Variants in MTBP observed in about 807,000 individuals in gnomAD.
MTBP encodes the protein MDM2 binding protein.
A neutral mutation model predicts 117.0 loss-of-function variants in MTBP; 101 were observed. That is an observed-to-expected ratio of 0.86 (90% CI 0.73 to 1.02). MTBP has a LOEUF of 1.02. MTBP is among the 50% of genes least tolerant of loss of function. The probability of loss-of-function intolerance (pLI) is 0.00; values close to 1 mark genes in which losing one functional copy is unlikely to be tolerated. For synonymous variants in MTBP, 350 were observed against 351.5 expected (o/e 1.00, Z 0.05); for missense variants, 970 against 1,030.9 (o/e 0.94, Z 0.81).
At chr8:120,487,080 A>G (rs1814237085) in intron 11 of MTBP, among the ~76,000 whole-genome samples, 1 of 152,090 alleles carries the variant, frequency 6.6e-6, no homozygotes. Flanking sequence ...TAATCAATCA[A>G]CCCTTAACTC....
At chr8:120,480,018 C>A (rs1563794330) in intron 11 of MTBP, among the ~76,000 whole-genome samples, 1 of 151,894 alleles carries the variant, frequency 6.6e-6, no homozygotes, top group East Asian at 1.9e-4. Flanking sequence ...AAAAGAAGTA[C>A]ACTGAAAACC....
intron 13 of MTBP, among the ~76,000 whole-genome samples, chr8:120,491,820 A>G (rs902838062): frequency 6.6e-6 from 1 of 152,156 alleles, no homozygotes; most frequent in East Asian, 1.9e-4. Flanking sequence ...TCAGAAGAGC[A>G]GGGACCTCTC....
At chr8:120,494,805 A>G (rs1271984649) in intron 13 of MTBP, among the ~76,000 whole-genome samples, 6 of 152,164 alleles carry the variant, frequency 3.9e-5, no homozygotes, top group Non-Finnish European at 7.3e-5. Context: ...ATGGTTGATA[A>G]TCACCTTATT....
At chr8:120,465,976 G>T (rs894461860) in intron 10 of MTBP, among the ~76,000 whole-genome samples, 2 of 151,862 alleles carry the variant, frequency 1.3e-5, no homozygotes, top group East Asian at 1.9e-4. Flanking sequence ...TATATTTTCA[G>T]TTGTTTTGTT....
chr8:120,445,528 A>G lies in MTBP; in HGVS notation c.58A>G (p.Ser20Gly). The G allele has an allele frequency of 6.2e-7, 1 of 1,613,670 alleles. No homozygotes were observed. Among genetic ancestry groups the G allele is most frequent in the South Asian group, 1.1e-5 (1 of 91,060 alleles). The stretch of plus-strand genomic sequence containing the variant: ...GGAAGGAAAATTCCCGTCGGCGGCC[A>G]GTAGGGAGGCAGAACATGGGCCAGA... ...WGEGKFPSAASREAEHGPEVS... is the reference protein window; with the variant it reads ...WGEGKFPSAAGREAEHGPEVS... The change falls in exon 1 of 22, where the codon AGT becomes GGT. Residue 20 changes from serine to glycine, a missense_variant. Physicochemically the swap from Ser to Gly is moderately conservative, Grantham distance 56 (BLOSUM62 0). Transcript: ENST00000305949.
intron 7 of MTBP, 60 bp from the exon 8 acceptor site, chr8:120,459,155 A>T: frequency 7.1e-7 from 1 of 1,411,082 alleles, no homozygotes; most frequent in Non-Finnish European, 9.8e-7. Context: ...AATAAGATGT[A>T]TTAATCTTTA....
Position 120,461,216 on chromosome 8 carries a change from A to C in MTBP, c.938A>C (p.Asp313Ala), listed in dbSNP as rs757811917. The change falls in exon 9 of 22, where the codon GAT becomes GCT. Residue 313 changes from aspartate to alanine, a missense_variant. Coordinates refer to ENST00000305949, the MANE Select transcript of MTBP (RefSeq NM_022045.5). ...LEFVQMIKLS[D>A]LPSCYMSDIE... ...TTTGTGCAGATGATAAAATTATCAG[A>C]TCTACCCTCCTGCTATATGTCGGAT... The C allele has an allele frequency of 6.2e-7, 1 of 1,606,242 alleles. No individual in the cohort carries two copies. Among genetic ancestry groups the C allele is most frequent in the East Asian group, 2.2e-5 (1 of 44,730 alleles).
intron 11 of MTBP, among the ~76,000 whole-genome samples, chr8:120,479,694 C>T (rs762317603): frequency 3.4e-4 from 52 of 152,258 alleles, no homozygotes; most frequent in Middle Eastern, 3.4e-3. Flanking sequence ...AGAAAGAATC[C>T]TGAGAGATCT....
chr8:120,461,348 AT>A, intron 9 of MTBP, 93 bp downstream of exon 9: 1 of 834,198 alleles, frequency 1.2e-6, no homozygotes, highest in Non-Finnish European at 1.9e-6. Context: ...TGTTAGGTAT[AT>A]CTTTTTCATT....
At chr8:120,507,256 A>C (rs539248485) in intron 16 of MTBP, among the ~76,000 whole-genome samples, 18 of 152,246 alleles carry the variant, frequency 1.2e-4, no homozygotes, top group African/African-American at 3.6e-4. Context: ...AGGCATGCCT[A>C]ATAGTAGCAA....
intron 5 of MTBP, 117 bp downstream of exon 5, chr8:120,454,022 GCAAAA>G: frequency 1.9e-6 from 1 of 535,784 alleles, no homozygotes; most frequent in Non-Finnish European, 3.2e-6. Context: ...ATTAAAAAAT[GCAAAA>G]CAATTTTTAA....
chr8:120,491,720 C>T (rs1473515973), intron 13 of MTBP, among the ~76,000 whole-genome samples: 17 of 152,166 alleles, frequency 1.1e-4, no homozygotes, highest in Non-Finnish European at 1.5e-5. Flanking sequence ...TTGCCATATG[C>T]CTCTGGCAGC....
intron 9 of MTBP, among the ~76,000 whole-genome samples, chr8:120,462,807 C>G (rs1413631298): frequency 6.6e-6 from 1 of 152,116 alleles, no homozygotes; most frequent in African/African-American, 2.4e-5. Context: ...GGGCATGGCT[C>G]TTGGCCCCCT....
intron 15 of MTBP, among the ~76,000 whole-genome samples, chr8:120,504,698 C>T (rs1236988619): frequency 6.6e-6 from 1 of 151,428 alleles, no homozygotes; most frequent in Non-Finnish European, 1.5e-5. Context: ...CAATACTATT[C>T]TTCCCTTCAT....
intron 20 of MTBP, among the ~76,000 whole-genome samples, chr8:120,519,874 T>C (rs1814985132): frequency 6.6e-6 from 1 of 152,170 alleles, no homozygotes; most frequent in Non-Finnish European, 1.5e-5. Flanking sequence ...CTTTGCATGC[T>C]CTTCTCCCCA....
intron 19 of MTBP, 152 bp from the exon 20 acceptor site, chr8:120,518,552 T>C (rs1586975643): frequency 1.1e-5 from 1 of 93,660 alleles, no homozygotes; most frequent in Non-Finnish European, 3.0e-5. Context: ...ATGTTAGATC[T>C]TTTTTTTCTC....
intron 11 of MTBP, among the ~76,000 whole-genome samples, chr8:120,474,705 A>G (rs1015117837): frequency 6.6e-6 from 1 of 151,992 alleles, no homozygotes; most frequent in African/African-American, 2.4e-5. Context: ...ATTTATTTGA[A>G]TATACAGCAG....
chr8:120,500,334 CAT>C (rs1289933520), intron 14 of MTBP, among the ~76,000 whole-genome samples: 2 of 152,134 alleles, frequency 1.3e-5, no homozygotes, highest in Admixed American at 1.3e-4. Flanking sequence ...AGACATGAGA[CAT>C]ATGAATGTTT....
intron 10 of MTBP, among the ~76,000 whole-genome samples, chr8:120,470,276 G>GT (rs1228156156): frequency 6.6e-6 from 1 of 152,184 alleles, no homozygotes; most frequent in Non-Finnish European, 1.5e-5. Context: ...AGAAGTTGCT[G>GT]TATGTTTTCT....
Sources: gnomAD v4.1 joint callset for allele counts (sites outside exome capture counted in the v4.1 genomes callset) on GRCh38, gnomAD v4.1.1 for gene constraint, MANE v1.5 for transcripts, NCBI Gene and HGNC (gene_info 2026-07-23, HGNC 2026-07-21) for gene names.